Variants in CRIM1 observed in about 807,000 individuals in gnomAD.
The protein encoded by CRIM1 is cysteine rich transmembrane BMP regulator 1.
A neutral mutation model predicts 116.4 loss-of-function variants in CRIM1; 32 were observed. The ratio of observed to expected loss-of-function variants is 0.27; its 90% CI spans 0.21 to 0.37. CRIM1 has a LOEUF of 0.37. Ranked by LOEUF, CRIM1 falls within the 10% of genes least tolerant of loss-of-function variation. The probability of loss-of-function intolerance (pLI) is 1.00; values close to 1 mark genes in which losing one functional copy is unlikely to be tolerated. For missense variants in CRIM1, 1,331 were observed against 1,354.8 expected (o/e 0.98, Z 0.28); for synonymous variants, 590 against 509.2 (o/e 1.16, Z -2.13).
At chr2:36,491,928 C>G (rs1462251904) in intron 7 of CRIM1, among the ~76,000 whole-genome samples, 1 of 152,082 alleles carries the variant, frequency 6.6e-6, no homozygotes. Flanking sequence ...TATAAAAGAT[C>G]TAGATTCTTA....
intron 7 of CRIM1, among the ~76,000 whole-genome samples, chr2:36,489,361 A>C (rs1680061037): frequency 6.6e-6 from 1 of 152,342 alleles, no homozygotes; most frequent in South Asian, 2.1e-4. Context: ...ATAATAAGCT[A>C]TCCACTTGGG....
chr2:36,489,198 G>T (rs991090394), intron 7 of CRIM1, among the ~76,000 whole-genome samples: 3 of 152,118 alleles, frequency 2.0e-5, no homozygotes, highest in African/African-American at 7.2e-5. Flanking sequence ...GCCTTGCATG[G>T]TGGTTGAACC....
At position 36,501,214 on chromosome 2, in the gene CRIM1, T is replaced by TGTAAA. The variant is rs1680959379; in HGVS notation, c.1501+1867_1501+1868insGTAAA. On this transcript the variant is annotated intron_variant, in intron 8 of 16. Transcript: ENST00000280527. ...GGCCTGTGGTTGTAATTACCATGGC[T>TGTAAA]CAGAGACTTGGACTTAACGTAGACA... is the stretch of plus-strand genomic sequence containing the variant. Among the ~76,000 whole-genome samples the TGTAAA allele has an allele frequency of 2.6e-5, 4 of 152,360 alleles. No individual in the cohort carries two copies. In the South Asian group the frequency reaches 8.3e-4, roughly 32 times the overall value.
chr2:36,374,303 T>C (rs951184253), intron 1 of CRIM1, among the ~76,000 whole-genome samples: 1 of 152,212 alleles, frequency 6.6e-6, no homozygotes, highest in African/African-American at 2.4e-5. Context: ...TCCCCATCAC[T>C]AGCTGTGTGT....
intron 2 of CRIM1, among the ~76,000 whole-genome samples, chr2:36,402,019 C>T (rs1178375059): frequency 6.6e-6 from 1 of 152,178 alleles, no homozygotes; most frequent in East Asian, 1.9e-4. Context: ...AAGACAGAGG[C>T]TCCCAGCTCT....
At position 36,397,840 on chromosome 2, in the gene CRIM1, A is replaced by G. The variant is rs138709621; in HGVS notation, c.505+1053A>G. On this transcript the variant is annotated intron_variant, in intron 2 of 16. Transcript: ENST00000280527. ...TAGAGTAGAAAACAATAGAAATAAC[A>G]TTTGCGAATTGCAGAGGATCCTAGA... is the stretch of plus-strand genomic sequence containing the variant. 1.1e-3 allele frequency among the ~76,000 whole-genome samples: 172 copies of G among 152,296 alleles called. 1 individual carries two copies. Among genetic ancestry groups the G allele is most frequent in the African/African-American group, 3.7e-3 (153 of 41,556 alleles).
chr2:36,427,894 TG>T (rs60464631), intron 2 of CRIM1, among the ~76,000 whole-genome samples: 173 of 152,348 alleles, frequency 1.1e-3, no homozygotes, highest in African/African-American at 4.0e-3. Flanking sequence ...CCTGTGTGGC[TG>T]GGTAGCCTAT....
chr2:36,547,249 TTG>T, intron 16 of CRIM1, 78 bp downstream of exon 16: 1 of 1,219,142 alleles, frequency 8.2e-7, no homozygotes, highest in South Asian at 1.3e-5. Context: ...GCTTGAAACC[TTG>T]TGTCTTAACC....
chr2:36,438,371 A>G (rs1342769543), intron 2 of CRIM1, among the ~76,000 whole-genome samples: 2 of 152,222 alleles, frequency 1.3e-5, no homozygotes, highest in South Asian at 2.1e-4. Flanking sequence ...TTATAAAACA[A>G]TGTGTTTGCC....
At chr2:36,473,979 G>A (rs2125032741) in intron 5 of CRIM1, among the ~76,000 whole-genome samples, 1 of 152,188 alleles carries the variant, frequency 6.6e-6, no homozygotes, top group Non-Finnish European at 1.5e-5. Flanking sequence ...AAATCTATGA[G>A]AATTCCAGTT....
rs1237118124 is a variant in CRIM1, at chr2:36,519,936, GAAACACTGA to G, written c.2207-2150_2207-2142del. Among the ~76,000 whole-genome samples the G allele has an allele frequency of 4.0e-5, 6 of 150,552 alleles. No homozygotes were observed. The South Asian group carries it at 8.4e-4, about 21-fold the overall frequency. On this transcript the variant is annotated intron_variant, in intron 12 of 16. Coordinates refer to ENST00000280527, the MANE Select transcript of CRIM1 (RefSeq NM_016441.3). Reference sequence around the variant, plus strand: ...GAGGGAGGTAGAAAATAGAAAAAAGGAAACACTGAAAACAGTGAAAACACTGGTAAAGAT... The same window carrying G: ...GAGGGAGGTAGAAAATAGAAAAAAGGAAACAGTGAAAACACTGGTAAAGAT...
At chr2:36,387,011 C>T (rs4670549) in intron 1 of CRIM1, among the ~76,000 whole-genome samples, 74,189 of 152,118 alleles carry the variant, frequency 0.49, 19,188 homozygotes, top group East Asian at 0.69. Flanking sequence ...AAGAAGTTTG[C>T]TGGGATCAAG....
chr2:36,444,989 C>T (rs1162149943), intron 4 of CRIM1, among the ~76,000 whole-genome samples: 14 of 152,134 alleles, frequency 9.2e-5, no homozygotes, highest in Admixed American at 9.2e-4. Context: ...TTTCATAACA[C>T]ATTGAACATA....
chr2:36,394,910 CA>C (rs1194822023), intron 1 of CRIM1, among the ~76,000 whole-genome samples: 1 of 151,728 alleles, frequency 6.6e-6, no homozygotes, highest in Non-Finnish European at 1.5e-5. Flanking sequence ...TTATTTATTT[CA>C]GTCAGGAAGA....
intron 1 of CRIM1, among the ~76,000 whole-genome samples, chr2:36,369,946 A>G (rs939560444): frequency 2.0e-5 from 3 of 152,234 alleles, no homozygotes; most frequent in Admixed American, 6.5e-5. Context: ...AATACCGTGC[A>G]TTGTATTATG....
Position 36,517,560 on chromosome 2 carries a change from T to C in CRIM1, c.2206+18T>C. The C allele has an allele frequency of 6.3e-7, 1 of 1,598,332 alleles. No homozygotes were observed. Among genetic ancestry groups the C allele is most frequent in the South Asian group, 1.1e-5 (1 of 90,734 alleles). On this transcript the variant is annotated intron_variant, in intron 12 of 16. Coordinates refer to ENST00000280527, the MANE Select transcript of CRIM1 (RefSeq NM_016441.3). ...GTGTACAGGTAAGCGACACCATGCCTTGTGGGTGCTTGGTGGGGAAGGATG... is the reference window on the plus strand; with the variant it reads ...GTGTACAGGTAAGCGACACCATGCCCTGTGGGTGCTTGGTGGGGAAGGATG...
In CRIM1 at chr2:36,548,390, A is replaced by G. The variant is rs529653621; in HGVS notation, c.2935-135A>G. 6 of 532,130 alleles carry G rather than the reference A, an allele frequency of 1.1e-5. No individual in the cohort carries two copies. The East Asian group carries it at 2.0e-4, about 17-fold the overall frequency. The allele number at this position is 532,130 out of a possible 1,614,324, so 33.0% of individuals were successfully genotyped here. A position where few individuals can be genotyped will look rare whatever the true frequency, so the allele number is the denominator to read the frequency against. ...AGTTGGTACTAGAACAAGATGTGAT[A>G]ATCTGCATACAGGCTATCAATCAAT... On this transcript the variant is annotated intron_variant, in intron 16 of 16. Transcript: ENST00000280527.
At chr2:36,524,024 T>G (rs953524024) in intron 13 of CRIM1, among the ~76,000 whole-genome samples, 27 of 152,380 alleles carry the variant, frequency 1.8e-4, no homozygotes, top group African/African-American at 6.5e-4. Flanking sequence ...ATAAAAGTTC[T>G]GTTTTAAAAG....
At chr2:36,494,838 T>G (rs1349424278) in intron 7 of CRIM1, among the ~76,000 whole-genome samples, 1 of 152,186 alleles carries the variant, frequency 6.6e-6, no homozygotes, top group African/African-American at 2.4e-5. Context: ...CTTCTTCCTT[T>G]GGAGGACATT....
Sources: allele counts gnomAD v4.1 joint callset (sites outside exome capture counted in the v4.1 genomes callset), GRCh38; gene constraint gnomAD v4.1.1; transcripts MANE v1.5; gene names NCBI Gene and HGNC (gene_info 2026-07-23, HGNC 2026-07-21).